SORCS3: variants seen among roughly 807,000 people sequenced by gnomAD.
SORCS3 encodes the protein VPS10 domain-containing receptor SorCS3.
Under a neutral mutation model 146.3 loss-of-function variants are expected in SORCS3, and 57 were observed. That is an observed-to-expected ratio of 0.39 (90% CI 0.31 to 0.49). The LOEUF is 0.49. SORCS3 is among the 20% of genes least tolerant of loss of function. The pLI is 0.92. For synonymous variants in SORCS3, 653 were observed against 618.5 expected (o/e 1.06, Z -0.83); for missense variants, 1,341 against 1,575.5 (o/e 0.85, Z 2.52).
chr10:104,953,533 C>A (rs949869192), intron 3 of SORCS3, among the ~76,000 whole-genome samples: 1 of 152,232 alleles, frequency 6.6e-6, no homozygotes, highest in Non-Finnish European at 1.5e-5. Context: ...CAATGTTTCA[C>A]AAGCACTTCA....
chr10:105,162,301 GTTC>G (rs925363263), intron 11 of SORCS3, among the ~76,000 whole-genome samples: 5 of 152,178 alleles, frequency 3.3e-5, no homozygotes, highest in African/African-American at 9.7e-5. Flanking sequence ...AAAGATCCCA[GTTC>G]TTCTTCTCCA....
At chr10:104,919,630 G>A (rs377199246) in intron 3 of SORCS3, among the ~76,000 whole-genome samples, 8 of 152,070 alleles carry the variant, frequency 5.3e-5, no homozygotes, top group East Asian at 3.9e-4. Flanking sequence ...TGGAGGTTGC[G>A]GTGAGCAGAG....
At chr10:105,220,157 C>T (rs567812536) in intron 19 of SORCS3, among the ~76,000 whole-genome samples, 5 of 152,278 alleles carry the variant, frequency 3.3e-5, no homozygotes, top group East Asian at 3.9e-4. Context: ...CTGCTCAGCT[C>T]TCATCTCTTC....
intron 20 of SORCS3, among the ~76,000 whole-genome samples, chr10:105,244,742 G>A (rs2056855609): frequency 6.6e-6 from 1 of 152,108 alleles, no homozygotes; most frequent in Non-Finnish European, 1.5e-5. Context: ...ATCTGATGGT[G>A]CATCTAATTT....
intron 2 of SORCS3, among the ~76,000 whole-genome samples, chr10:104,898,236 A>G (rs1009669949): frequency 1.3e-5 from 2 of 152,212 alleles, no homozygotes; most frequent in Non-Finnish European, 2.9e-5. Flanking sequence ...AAAAGTAAAA[A>G]TATCTATCTT....
At chr10:104,795,731 A>C (rs1428481437) in intron 1 of SORCS3, among the ~76,000 whole-genome samples, 1 of 152,226 alleles carries the variant, frequency 6.6e-6, no homozygotes, top group Non-Finnish European at 1.5e-5. Context: ...TGGTGGCCAG[A>C]AGAGACCAGA....
At chr10:104,819,165 G>T (rs1198805912) in intron 1 of SORCS3, among the ~76,000 whole-genome samples, 4 of 152,116 alleles carry the variant, frequency 2.6e-5, no homozygotes, top group Non-Finnish European at 1.5e-5. Flanking sequence ...CTGAGGGGGT[G>T]CACGTCAGTG....
Position 105,105,563 on chromosome 10 carries a change from T to C in SORCS3, c.1212+48T>C, listed in dbSNP as rs17118355. 14,361 of 1,330,586 alleles carry C rather than the reference T, an allele frequency of 0.011. 679 individuals carry two copies. In the African/African-American group the frequency reaches 0.13, roughly 12 times the overall value. 82.4% of individuals were successfully genotyped at this position (1,330,586 alleles called of 1,614,324 possible). A position where few individuals can be genotyped will look rare whatever the true frequency, so the allele number is the denominator to read the frequency against. Reference sequence around the variant, plus strand: ...GTGGTAGGAGGATGCATCGTTGAAGTTGGCTGCCTGCTAGGAAAAGGAGGG... The same window carrying C: ...GTGGTAGGAGGATGCATCGTTGAAGCTGGCTGCCTGCTAGGAAAAGGAGGG... On this transcript the variant is annotated intron_variant, in intron 7 of 26. Transcript: ENST00000369701.
intron 2 of SORCS3, among the ~76,000 whole-genome samples, chr10:104,854,331 G>A (rs968304975): frequency 3.3e-5 from 5 of 152,164 alleles, no homozygotes; most frequent in African/African-American, 9.7e-5. Context: ...TCATAGGAGA[G>A]GTGGTGGGTG....
intron 1 of SORCS3, among the ~76,000 whole-genome samples, chr10:104,663,461 GGCCAT>G (rs1363738871): frequency 1.3e-5 from 2 of 152,238 alleles, no homozygotes; most frequent in East Asian, 3.9e-4. Context: ...AGACTTCGAA[GGCCAT>G]TTAGTTCAAC....
At chr10:104,760,088 G>A (rs925833576) in intron 1 of SORCS3, among the ~76,000 whole-genome samples, 10 of 152,212 alleles carry the variant, frequency 6.6e-5, no homozygotes, top group African/African-American at 2.2e-4. Context: ...GGTGGGGGAA[G>A]AGCAAAGTGC....
At chr10:105,032,855 A>T (rs1367490778) in intron 4 of SORCS3, among the ~76,000 whole-genome samples, 3 of 152,146 alleles carry the variant, frequency 2.0e-5, no homozygotes, top group African/African-American at 7.2e-5. Context: ...ATAGGATGTG[A>T]TGTGAAACTA....
At chr10:104,694,806 G>A (rs1263596931) in intron 1 of SORCS3, among the ~76,000 whole-genome samples, 1 of 152,174 alleles carries the variant, frequency 6.6e-6, no homozygotes, top group East Asian at 1.9e-4. Flanking sequence ...TCCTGCATAT[G>A]CAACTGAAGA....
intron 1 of SORCS3, among the ~76,000 whole-genome samples, chr10:104,751,786 G>A (rs554153595): frequency 6.6e-6 from 1 of 151,584 alleles, no homozygotes; most frequent in South Asian, 2.1e-4. Context: ...CTGATATGAG[G>A]AGGGAAATGG....
At chr10:104,886,203 G>C (rs2018682520) in intron 2 of SORCS3, among the ~76,000 whole-genome samples, 1 of 152,118 alleles carries the variant, frequency 6.6e-6, no homozygotes, top group African/African-American at 2.4e-5. Flanking sequence ...TGAGGTGGAG[G>C]TGGAGGCTTT....
At chr10:105,219,371 G>A (rs2056685434) in intron 19 of SORCS3, among the ~76,000 whole-genome samples, 1 of 152,188 alleles carries the variant, frequency 6.6e-6, no homozygotes, top group Non-Finnish European at 1.5e-5. Context: ...ACTCATTAGA[G>A]ACTCAGTGCC....
chr10:104,856,875 A>G (rs1284001449), intron 2 of SORCS3, among the ~76,000 whole-genome samples: 1 of 145,958 alleles, frequency 6.9e-6, no homozygotes, highest in Non-Finnish European at 1.5e-5. Flanking sequence ...TAAATTAGAG[A>G]TATATATAGA....
chr10:105,071,534 A>G (rs1449276403), intron 5 of SORCS3, among the ~76,000 whole-genome samples: 4 of 152,108 alleles, frequency 2.6e-5, no homozygotes, highest in Admixed American at 2.0e-4. Context: ...TTTTATTTTT[A>G]TTTTTTGTGG....
Position 104,641,631 on chromosome 10 carries a change from C to A in SORCS3, c.304C>A (p.Gln102Lys). The A allele has an allele frequency of 6.6e-7, 1 of 1,523,650 alleles. No homozygotes were observed. The highest frequency in any genetic ancestry group is 8.8e-7 in the Non-Finnish European group (1 of 1,141,348). The allele number at this position is 1,523,650 out of a possible 1,614,324, so 94.4% of individuals were successfully genotyped here. A position where few individuals can be genotyped will look rare whatever the true frequency, so the allele number is the denominator to read the frequency against. ...QQGGGRGGEM[Q>K]VEAGGTSPAG... Reference sequence around the variant, plus strand: ...GGGCGGCGGCAGAGGCGGTGAGATGCAGGTGGAAGCCGGAGGGACATCACC... The same window carrying A: ...GGGCGGCGGCAGAGGCGGTGAGATGAAGGTGGAAGCCGGAGGGACATCACC... Residue 102 changes from glutamine to lysine, a missense_variant, in exon 1 of 27, where the codon CAG becomes AAG. By Grantham distance (53) the Gln-to-Lys change is moderately conservative. Coordinates refer to ENST00000369701, the MANE Select transcript of SORCS3 (RefSeq NM_014978.3). This position sits in a 1 kb window ranked among gnomAD's most constrained non-coding sequence, Gnocchi z 6.4.
Sources: allele counts gnomAD v4.1 joint callset (sites outside exome capture counted in the v4.1 genomes callset), GRCh38; gene constraint gnomAD v4.1.1; non-coding constraint Gnocchi (gnomAD v3.1); transcripts MANE v1.5; gene names NCBI Gene and HGNC (gene_info 2026-07-23, HGNC 2026-07-21).